The following GRIK3 variants were observed in gnomAD, a reference collection of about 807,000 sequenced individuals.
GRIK3 encodes the protein glutamate ionotropic receptor kainate type subunit 3.
A neutral mutation model predicts 102.5 loss-of-function variants in GRIK3; 29 were observed. The ratio of observed to expected loss-of-function variants is 0.28; its 90% CI spans 0.21 to 0.39. GRIK3 has a LOEUF of 0.39. Among genes scored for constraint, GRIK3 ranks in the 10% least tolerant of loss-of-function variants. GRIK3 has a pLI of 1.00. For synonymous variants in GRIK3, 511 were observed against 504.9 expected (o/e 1.01, Z -0.16); for missense variants, 908 against 1,252.4 (o/e 0.73, Z 4.15).
At chr1:36,957,389 C>CCCG (rs1641924692) in intron 1 of GRIK3, among the ~76,000 whole-genome samples, 4 of 135,812 alleles carry the variant, frequency 2.9e-5, no homozygotes, top group Non-Finnish European at 4.8e-5. Flanking sequence ...CCTGTGTGCT[C>CCCG]TGTGAATCTG....
chr1:36,845,850 A>G (rs992366193), intron 9 of GRIK3, among the ~76,000 whole-genome samples: 1 of 152,292 alleles, frequency 6.6e-6, no homozygotes, highest in Non-Finnish European at 1.5e-5. Flanking sequence ...CTCTAGCCCC[A>G]GGTTTTTCCC....
intron 1 of GRIK3, among the ~76,000 whole-genome samples, chr1:36,947,059 AGGGAAAAGAGGACAT>A (rs1641792308): frequency 6.6e-6 from 1 of 152,088 alleles, no homozygotes; most frequent in Non-Finnish European, 1.5e-5. Context: ...GAGGAGGAGA[AGGGAAAAGAGGACAT>A]GGGGGAAGGG....
At chr1:36,952,397 T>G (rs1193796725) in intron 1 of GRIK3, among the ~76,000 whole-genome samples, 1 of 152,182 alleles carries the variant, frequency 6.6e-6, no homozygotes, top group Non-Finnish European at 1.5e-5. Context: ...AGGTGCTGAA[T>G]GAATGAATGA....
chr1:36,948,989 G>A (rs1641813790), intron 1 of GRIK3, among the ~76,000 whole-genome samples: 1 of 152,182 alleles, frequency 6.6e-6, no homozygotes, highest in Non-Finnish European at 1.5e-5. Flanking sequence ...GGGGTCAAGG[G>A]CACTGCTGGG....
At chr1:36,936,981 A>G (rs1641666167) in intron 1 of GRIK3, among the ~76,000 whole-genome samples, 1 of 152,190 alleles carries the variant, frequency 6.6e-6, no homozygotes, top group Non-Finnish European at 1.5e-5. Flanking sequence ...CCACCCACAG[A>G]GTGAATGATC....
At chr1:36,913,692 C>T (rs879785153) in intron 1 of GRIK3, among the ~76,000 whole-genome samples, 9 of 152,136 alleles carry the variant, frequency 5.9e-5, no homozygotes, top group Admixed American at 5.9e-4. Context: ...CAACACCACG[C>T]CCCACAGCCC....
intron 3 of GRIK3, among the ~76,000 whole-genome samples, chr1:36,875,048 G>A (rs180924149): frequency 5.9e-5 from 9 of 152,274 alleles, no homozygotes; most frequent in South Asian, 2.1e-4. Context: ...CTCACAAAGC[G>A]CTTCTGCATT....
rs1053976140 is a variant in GRIK3, at chr1:36,859,694, TC to T, written c.960+149del. On this transcript the variant is annotated intron_variant, in intron 6 of 15. Transcript: ENST00000373091. ...AGGGACTGTCTGTTTCACGTTTGTGTCCCCAATCCCTAGCCTGGGGTCTGGC... is the reference window on the plus strand; with the variant it reads ...AGGGACTGTCTGTTTCACGTTTGTGTCCCAATCCCTAGCCTGGGGTCTGGC... 4.5e-6 allele frequency: 3 copies of T among 664,972 alleles called. No individual in the cohort carries two copies. In the African/African-American group the frequency reaches 5.5e-5, roughly 12 times the overall value. 41.2% of individuals were successfully genotyped at this position (664,972 alleles called of 1,614,324 possible).
chr1:36,987,150 G>A (rs1406922250), intron 1 of GRIK3, among the ~76,000 whole-genome samples: 4 of 152,246 alleles, frequency 2.6e-5, no homozygotes, highest in Admixed American at 2.6e-4. Context: ...AAGCCAGTGG[G>A]TTGGGGAGGC....
At chr1:36,805,952 A>G (rs866773400) in intron 14 of GRIK3, 152 bp downstream of exon 14, 3 of 549,362 alleles carry the variant, frequency 5.5e-6, no homozygotes, top group African/African-American at 1.9e-5. Flanking sequence ...AAAAAAAAAA[A>G]AAAAAAAAAG....
intron 1 of GRIK3, among the ~76,000 whole-genome samples, 157 bp from the exon 2 acceptor site, chr1:36,891,253 C>T (rs1239638220): frequency 3.3e-5 from 5 of 152,202 alleles, no homozygotes; most frequent in Non-Finnish European, 7.3e-5. Flanking sequence ...TGCAGGAGCA[C>T]AAGAAATAGG....
At chr1:36,855,129 C>A (rs1007993284) in intron 7 of GRIK3, among the ~76,000 whole-genome samples, 1 of 152,136 alleles carries the variant, frequency 6.6e-6, no homozygotes, top group African/African-American at 2.4e-5. Context: ...TGGGAGCTCA[C>A]ACAGCCAGAT....
intron 1 of GRIK3, among the ~76,000 whole-genome samples, chr1:36,960,316 C>A (rs1013425320): frequency 6.6e-6 from 1 of 151,530 alleles, no homozygotes; most frequent in Non-Finnish European, 1.5e-5. Flanking sequence ...GACTCTGTGC[C>A]CCATGAGCCT....
At chr1:36,952,169 C>T (rs534694843) in intron 1 of GRIK3, among the ~76,000 whole-genome samples, 182 of 152,296 alleles carry the variant, frequency 1.2e-3, no homozygotes, top group African/African-American at 4.0e-3. Flanking sequence ...CTGTACAATA[C>T]GTACCACTCA....
intron 13 of GRIK3, among the ~76,000 whole-genome samples, chr1:36,811,379 T>C (rs1642560570): frequency 6.6e-6 from 1 of 152,114 alleles, no homozygotes; most frequent in Admixed American, 6.5e-5. Flanking sequence ...GAGATAAACA[T>C]TGCCTCTCAG....
chr1:36,815,186 G>A (rs1028086046), intron 13 of GRIK3, among the ~76,000 whole-genome samples: 1 of 152,204 alleles, frequency 6.6e-6, no homozygotes, highest in African/African-American at 2.4e-5. Context: ...ATACACAGCA[G>A]TGACCTCTTA....
chr1:36,822,010 T>C (rs1010704928), intron 11 of GRIK3, among the ~76,000 whole-genome samples: 2 of 152,242 alleles, frequency 1.3e-5, no homozygotes, highest in African/African-American at 2.4e-5. Flanking sequence ...TCTTTTCAGG[T>C]CAGTTCTTCC....
intron 1 of GRIK3, among the ~76,000 whole-genome samples, chr1:36,999,417 C>A (rs1189906346): frequency 6.6e-6 from 1 of 152,072 alleles, no homozygotes; most frequent in African/African-American, 2.4e-5. Context: ...GGCAGGTAGA[C>A]AGCACAGGAC....
chr1:37,029,703 C>G (rs1280441631), intron 1 of GRIK3, among the ~76,000 whole-genome samples: 3 of 152,220 alleles, frequency 2.0e-5, no homozygotes, highest in Non-Finnish European at 4.4e-5. Flanking sequence ...CTGGGACAGG[C>G]ACAGAGTGCC....
Sources: gnomAD v4.1 joint callset for allele counts (sites outside exome capture counted in the v4.1 genomes callset) on GRCh38, gnomAD v4.1.1 for gene constraint, MANE v1.5 for transcripts, NCBI Gene and HGNC (gene_info 2026-07-23, HGNC 2026-07-21) for gene names.